Variants in MCF2L2 observed in about 807,000 individuals in gnomAD.
The protein encoded by MCF2L2 is MCF.2 cell line derived transforming sequence-like 2.
In MCF2L2, 102 loss-of-function variants were observed where a neutral mutation model predicts 150.2. That is an observed-to-expected ratio of 0.68 (90% CI 0.58 to 0.80). The LOEUF is 0.80. MCF2L2 is among the 30% of genes least tolerant of loss of function. The pLI is 0.00. For missense variants in MCF2L2, 1,256 were observed against 1,372.8 expected (o/e 0.91, Z 1.34); for synonymous variants, 465 against 491.3 (o/e 0.95, Z 0.71).
At position 183,362,718 on chromosome 3, in the gene MCF2L2, T is replaced by C. The variant is rs148283985; in HGVS notation, c.275+16579A>G. The stretch of plus-strand genomic sequence containing the variant: ...TTAGATACACTAACAGAAGATGATA[T>C]ATCTTGAACTAGAAATCTTGTAAAC... On this transcript the variant is annotated intron_variant, in intron 3 of 29. Transcript: ENST00000328913. 3.6e-3 allele frequency among the ~76,000 whole-genome samples: 551 copies of C among 152,078 alleles called. 3 individuals are homozygous for C. The highest frequency in any genetic ancestry group is 0.012 in the African/African-American group (490 of 41,494).
chr3:183,196,175 C>G (rs1022219464), intron 25 of MCF2L2, among the ~76,000 whole-genome samples: 3 of 152,150 alleles, frequency 2.0e-5, no homozygotes, highest in South Asian at 2.1e-4. Context: ...TCTTCCCTGC[C>G]CAAGCCCTAG....
chr3:183,184,814 C>T (rs1264111673), intron 27 of MCF2L2, among the ~76,000 whole-genome samples: 1 of 152,166 alleles, frequency 6.6e-6, no homozygotes, highest in Non-Finnish European at 1.5e-5. Context: ...ATTGTAGATC[C>T]TGCTGGTTCA....
At chr3:183,273,273 A>G (rs1726942474) in intron 15 of MCF2L2, 1 of 343,218 alleles carries the variant, frequency 2.9e-6, no homozygotes, top group African/African-American at 2.1e-5. Context: ...CATATTGTTA[A>G]TTTTATACCA....
intron 3 of MCF2L2, among the ~76,000 whole-genome samples, chr3:183,358,420 C>A (rs1324657138): frequency 6.6e-6 from 1 of 152,032 alleles, no homozygotes; most frequent in Non-Finnish European, 1.5e-5. Flanking sequence ...AAGTGATGAA[C>A]AGAAATGAAC....
At chr3:183,364,382 T>C (rs1014397433) in intron 3 of MCF2L2, among the ~76,000 whole-genome samples, 1 of 151,600 alleles carries the variant, frequency 6.6e-6, no homozygotes, top group Non-Finnish European at 1.5e-5. Context: ...TAGCTGGGCA[T>C]GGTGGTGGGT....
Position 183,179,023 on chromosome 3 carries a change from A to C in MCF2L2, c.*357T>G. ...ATGGGGTGGCGCATTCCTGGCACCT[A>C]GTGGGTAGAGGCCAGGGGTGCTACT... is the stretch of plus-strand genomic sequence containing the variant. On this transcript the variant is annotated 3_prime_UTR_variant, in exon 30 of 30. Coordinates refer to ENST00000328913, the MANE Select transcript of MCF2L2 (RefSeq NM_015078.4). The surrounding 1 kb of genome is among the most constrained non-coding windows in gnomAD (Gnocchi z 4.2). 4.9e-6 allele frequency: 1 copy of C among 204,302 alleles called. No individual in the cohort carries two copies. Among genetic ancestry groups the C allele is most frequent in the Non-Finnish European group, 9.7e-6 (1 of 102,864 alleles). The allele number at this position is 204,302 out of a possible 1,614,324, so 12.7% of individuals were successfully genotyped here.
At chr3:183,367,842 A>T (rs762998413) in intron 3 of MCF2L2, among the ~76,000 whole-genome samples, 2 of 152,202 alleles carry the variant, frequency 1.3e-5, no homozygotes, top group Admixed American at 1.3e-4. Context: ...ATAATACGCA[A>T]AACTCATTTT....
chr3:183,263,409 A>G (rs1262791878), intron 15 of MCF2L2, among the ~76,000 whole-genome samples: 2 of 152,060 alleles, frequency 1.3e-5, no homozygotes, highest in African/African-American at 2.4e-5. Context: ...TATATGGTCA[A>G]TGTCTCTCTT....
intron 14 of MCF2L2, among the ~76,000 whole-genome samples, chr3:183,277,329 G>A (rs1451266790): frequency 5.1e-5 from 7 of 138,422 alleles, no homozygotes; most frequent in African/African-American, 2.1e-4. Context: ...AGAGCGAGAT[G>A]CCATATCCAA....
chr3:183,317,979 A>T, intron 7 of MCF2L2, 89 bp downstream of exon 7: 1 of 1,488,188 alleles, frequency 6.7e-7, no homozygotes. Context: ...ACGAGGGCTT[A>T]ACTGTTAATT....
intron 1 of MCF2L2, among the ~76,000 whole-genome samples, chr3:183,408,172 T>C (rs937950026): frequency 2.0e-4 from 30 of 152,090 alleles, no homozygotes; most frequent in African/African-American, 7.0e-4. Context: ...ATTTCACAAC[T>C]AAACCAACCA....
intron 21 of MCF2L2, among the ~76,000 whole-genome samples, chr3:183,216,577 TA>T (rs1722944757): frequency 5.2e-4 from 2 of 3,882 alleles, no homozygotes; most frequent in Non-Finnish European, 1.0e-3. Flanking sequence ...TATATATATA[TA>T]TATTTTTTTT....
intron 22 of MCF2L2, among the ~76,000 whole-genome samples, chr3:183,209,514 A>G (rs1331196996): frequency 6.6e-6 from 1 of 152,038 alleles, no homozygotes; most frequent in Non-Finnish European, 1.5e-5. Flanking sequence ...TTTGAGACGG[A>G]GTCTTACTCT....
chr3:183,345,678 C>T (rs1730870231), intron 3 of MCF2L2, among the ~76,000 whole-genome samples: 1 of 151,884 alleles, frequency 6.6e-6, no homozygotes, highest in African/African-American at 2.4e-5. Context: ...GCTAGCCAGA[C>T]TAATGAAGAA....
At chr3:183,426,290 A>G (rs1716159236) in intron 1 of MCF2L2, among the ~76,000 whole-genome samples, 1 of 152,208 alleles carries the variant, frequency 6.6e-6, no homozygotes, top group Admixed American at 6.5e-5. Flanking sequence ...CCAGAGAAAT[A>G]GGAGGGACCT....
rs1721391892 is a variant in MCF2L2, at chr3:183,178,496, A to AATAAATAAATAAATAAATTC, written c.*883_*884insGAATTTATTTATTTATTTAT. 7.1e-6 allele frequency: 1 copy of AATAAATAAATAAATAAATTC among 140,714 alleles called. No homozygotes were observed. Among genetic ancestry groups the AATAAATAAATAAATAAATTC allele is most frequent in the African/African-American group, 2.5e-5 (1 of 39,510 alleles). The allele number at this position is 140,714 out of a possible 1,614,324, so 8.7% of individuals were successfully genotyped here. A position where few individuals can be genotyped will look rare whatever the true frequency, so the allele number is the denominator to read the frequency against. On this transcript the variant is annotated 3_prime_UTR_variant, in exon 30 of 30. Coordinates refer to ENST00000328913, the MANE Select transcript of MCF2L2 (RefSeq NM_015078.4). ...AAATAAATAAATAAATAAATAAATA[A>AATAAATAAATAAATAAATTC]ATTCCAAGCAAATTAATTTGAACAT...
At chr3:183,346,532 T>G (rs1577079360) in intron 3 of MCF2L2, among the ~76,000 whole-genome samples, 3 of 152,170 alleles carry the variant, frequency 2.0e-5, no homozygotes, top group African/African-American at 7.2e-5. Context: ...ACCACTCCTA[T>G]TCAACATAGT....
At chr3:183,334,907 C>T (rs1363808420) in intron 5 of MCF2L2, among the ~76,000 whole-genome samples, 1 of 151,632 alleles carries the variant, frequency 6.6e-6, no homozygotes, top group Admixed American at 6.6e-5. Context: ...GAGTTTGAGA[C>T]CAGTCTGGGC....
intron 15 of MCF2L2, among the ~76,000 whole-genome samples, chr3:183,252,587 C>A (rs7650710): frequency 0.13 from 19,646 of 152,132 alleles, 2,733 homozygotes; most frequent in African/African-American, 0.36. Context: ...TGGGATCAAG[C>A]AATCCTCCTG....
Sources: gnomAD v4.1 joint callset for allele counts (sites outside exome capture counted in the v4.1 genomes callset) on GRCh38, gnomAD v4.1.1 for gene constraint, Gnocchi (gnomAD v3.1) non-coding constraint, MANE v1.5 for transcripts, NCBI Gene and HGNC (gene_info 2026-07-23, HGNC 2026-07-21) for gene names.